Variants in LRMDA observed in about 807,000 individuals in gnomAD.
The protein encoded by LRMDA is leucine rich melanocyte differentiation associated.
In LRMDA, 18 loss-of-function variants were observed where a neutral mutation model predicts 29.8. That is an observed-to-expected ratio of 0.60 (90% CI 0.42 to 0.90). The LOEUF (loss-of-function observed/expected upper bound fraction) is 0.90, where lower values mean the gene tolerates loss of function less well. Ranked by LOEUF, LRMDA falls within the 40% of genes least tolerant of loss-of-function variation. The pLI is 0.00. For missense variants in LRMDA, 273 were observed against 273.9 expected (o/e 1.00, Z 0.02); for synonymous variants, 125 against 109.4 (o/e 1.14, Z -0.89).
chr10:75,764,251 C>T (rs535296238), intron 2 of LRMDA, among the ~76,000 whole-genome samples: 9 of 152,244 alleles, frequency 5.9e-5, no homozygotes, highest in South Asian at 2.1e-4. Context: ...ATGTCATCAA[C>T]GGCTGCCAAG....
At chr10:75,880,137 T>C (rs1052368847) in intron 2 of LRMDA, among the ~76,000 whole-genome samples, 4 of 152,240 alleles carry the variant, frequency 2.6e-5, no homozygotes, top group African/African-American at 2.4e-5. Flanking sequence ...AGTATGTGTT[T>C]CTTCCAGTCA....
At chr10:76,256,703 T>C (rs1852600362) in intron 5 of LRMDA, among the ~76,000 whole-genome samples, 1 of 152,224 alleles carries the variant, frequency 6.6e-6, no homozygotes, top group Non-Finnish European at 1.5e-5. Context: ...TATTTTAAAA[T>C]AATGACTATT....
intron 2 of LRMDA, among the ~76,000 whole-genome samples, chr10:75,484,795 G>A (rs576612787): frequency 1.3e-5 from 2 of 152,292 alleles, no homozygotes; most frequent in East Asian, 3.9e-4. Context: ...TACAATCCAG[G>A]AAAAGAGGCC....
chr10:76,531,465 C>CT (rs1843233035), intron 6 of LRMDA, among the ~76,000 whole-genome samples: 2 of 152,166 alleles, frequency 1.3e-5, no homozygotes, highest in South Asian at 4.1e-4. Flanking sequence ...GGAGCTTCCC[C>CT]TTTTTTCCTG....
rs529688106 is a variant in LRMDA at position 76,002,777 on chromosome 10, A to G, written c.132-33231A>G. On this transcript the variant is annotated intron_variant, in intron 2 of 6. Transcript: ENST00000611255. ...AGGCAAGGAGGGGCTCCTACAAAAA[A>G]AGTTTTTTTCCTACATTTCTGGGAA... is the stretch of plus-strand genomic sequence containing the variant. 2.2e-4 allele frequency among the ~76,000 whole-genome samples: 34 copies of G among 152,162 alleles called. No individual in the cohort carries two copies. In the South Asian group the frequency reaches 6.7e-3, roughly 30 times the overall value.
chr10:75,713,748 A>G (rs1842465251), intron 2 of LRMDA, among the ~76,000 whole-genome samples: 1 of 152,076 alleles, frequency 6.6e-6, no homozygotes, highest in Non-Finnish European at 1.5e-5. Context: ...GTATTTTAGG[A>G]TTGATGCTGA....
At chr10:76,284,097 G>A (rs1175872312) in intron 5 of LRMDA, among the ~76,000 whole-genome samples, 1 of 152,152 alleles carries the variant, frequency 6.6e-6, no homozygotes, top group Non-Finnish European at 1.5e-5. Context: ...AGTTTGGGAT[G>A]TTATTTTTGG....
intron 2 of LRMDA, among the ~76,000 whole-genome samples, chr10:75,563,377 T>C (rs1022631421): frequency 3.3e-5 from 5 of 152,148 alleles, no homozygotes; most frequent in South Asian, 2.1e-4. Flanking sequence ...GCTTTCAGCT[T>C]CATCAGCTCC....
At chr10:76,118,473 G>C (rs947442676) in intron 5 of LRMDA, among the ~76,000 whole-genome samples, 1 of 152,192 alleles carries the variant, frequency 6.6e-6, no homozygotes, top group Non-Finnish European at 1.5e-5. Context: ...AATGTTCTGG[G>C]TAGCAGGTAT....
In LRMDA at chr10:76,146,609, A is replaced by G. The variant is rs1589349451; in HGVS notation, c.516+87826A>G. Among the ~76,000 whole-genome samples the G allele has an allele frequency of 2.0e-5, 3 of 152,230 alleles. No individual in the cohort carries two copies. In the South Asian group the frequency reaches 6.2e-4, roughly 32 times the overall value. On this transcript the variant is annotated intron_variant, in intron 5 of 6. Coordinates refer to ENST00000611255, the MANE Select transcript of LRMDA (RefSeq NM_001305581.2). ...TCTGCACGTGAGATGGGTTTCCTGA[A>G]TGCAGCACACCGATGGGTCTTGACT...
At chr10:75,567,481 C>G (rs1037274906) in intron 2 of LRMDA, among the ~76,000 whole-genome samples, 29 of 152,160 alleles carry the variant, frequency 1.9e-4, no homozygotes, top group African/African-American at 7.0e-4. Flanking sequence ...GCAAATAGAT[C>G]AGGCCAAATG....
intron 2 of LRMDA, among the ~76,000 whole-genome samples, chr10:75,501,371 G>C (rs1845111385): frequency 6.6e-6 from 1 of 152,102 alleles, no homozygotes; most frequent in Non-Finnish European, 1.5e-5. Context: ...ACACTTTCCT[G>C]GTGTGTGTTT....
intron 2 of LRMDA, among the ~76,000 whole-genome samples, chr10:75,572,720 A>G (rs140378006): frequency 6.6e-6 from 1 of 152,218 alleles, no homozygotes; most frequent in East Asian, 1.9e-4. Flanking sequence ...CACTTTGAAG[A>G]TACTATTCTG....
intron 2 of LRMDA, among the ~76,000 whole-genome samples, chr10:75,676,696 T>C (rs1220943180): frequency 6.6e-6 from 1 of 152,218 alleles, no homozygotes; most frequent in Non-Finnish European, 1.5e-5. Flanking sequence ...TCTTTTCCAG[T>C]TTCTTTTGAA....
chr10:76,363,176 AGGAGGGAGGGAGG>A (rs1329023506), intron 6 of LRMDA, among the ~76,000 whole-genome samples: 3 of 21,750 alleles, frequency 1.4e-4, no homozygotes, highest in African/African-American at 4.4e-4. Flanking sequence ...AAAGAAAGAA[AGGAGGGAGGGAGG>A]GAGGGAGGGA....
Position 75,854,526 on chromosome 10 carries a change from T to G in LRMDA, c.132-181482T>G, listed in dbSNP as rs553592203. ...TAGAAACAGTGGCATATTGAAATAA[T>G]CAAGGCTTTGGAAAAATGACCAATT... On this transcript the variant is annotated intron_variant, in intron 2 of 6. Transcript: ENST00000611255. 5.3e-5 allele frequency among the ~76,000 whole-genome samples: 8 copies of G among 152,182 alleles called. No individual in the cohort carries two copies. The South Asian group carries it at 1.7e-3, about 31-fold the overall frequency.
chr10:76,367,169 CT>C (rs1841400671), intron 6 of LRMDA, among the ~76,000 whole-genome samples: 1 of 152,014 alleles, frequency 6.6e-6, no homozygotes, highest in African/African-American at 2.4e-5. Flanking sequence ...ATTTTGTTAA[CT>C]ATTTTAGCAT....
At chr10:75,895,790 C>G (rs1250833383) in intron 2 of LRMDA, among the ~76,000 whole-genome samples, 2 of 152,172 alleles carry the variant, frequency 1.3e-5, no homozygotes. Context: ...ATGTTTAGAA[C>G]ATGGGAGAAG....
intron 2 of LRMDA, among the ~76,000 whole-genome samples, chr10:75,814,626 A>C (rs926813990): frequency 2.6e-5 from 4 of 152,178 alleles, no homozygotes; most frequent in African/African-American, 7.2e-5. Flanking sequence ...ATACCAACCA[A>C]GTGCAGGCAG....
Sources: allele counts gnomAD v4.1 joint callset (sites outside exome capture counted in the v4.1 genomes callset), GRCh38; gene constraint gnomAD v4.1.1; transcripts MANE v1.5; gene names NCBI Gene and HGNC (gene_info 2026-07-23, HGNC 2026-07-21).